Variants in NRG1 observed in about 807,000 individuals in gnomAD.
NRG1 encodes the protein pro-neuregulin-1, membrane-bound isoform.
In NRG1, 18 loss-of-function variants were observed where a neutral mutation model predicts 63.8. The ratio of observed to expected loss-of-function variants is 0.28; its 90% confidence interval spans 0.19 to 0.42. NRG1 has a LOEUF of 0.42. Ranked by LOEUF, NRG1 falls within the 10% of genes least tolerant of loss-of-function variation. The pLI is 1.00. For synonymous variants in NRG1, 302 were observed against 301.3 expected (o/e 1.00, Z -0.02); for missense variants, 762 against 814.7 (o/e 0.94, Z 0.79).
intron 1 of NRG1, among the ~76,000 whole-genome samples, chr8:32,467,567 C>G (rs930356705): frequency 5.9e-5 from 9 of 152,212 alleles, no homozygotes; most frequent in Non-Finnish European, 1.0e-4. Flanking sequence ...ATAGAAATCA[C>G]TTATTCATTC....
intron 1 of NRG1, among the ~76,000 whole-genome samples, chr8:31,702,976 A>G (rs1810776429): frequency 6.6e-6 from 1 of 151,462 alleles, no homozygotes; most frequent in African/African-American, 2.4e-5. Flanking sequence ...GGTCTTGCAG[A>G]AGGAATCCAT....
intron 1 of NRG1, among the ~76,000 whole-genome samples, chr8:31,665,369 G>A (rs1282181854): frequency 6.6e-6 from 1 of 152,122 alleles, no homozygotes; most frequent in Non-Finnish European, 1.5e-5. Flanking sequence ...GAACAAGAAA[G>A]CAAGTATTTT....
At chr8:32,286,822 C>T (rs989513803) in intron 1 of NRG1, among the ~76,000 whole-genome samples, 2 of 152,104 alleles carry the variant, frequency 1.3e-5, no homozygotes, top group Non-Finnish European at 2.9e-5. Context: ...CCTGGTGAAA[C>T]CCTGTCTGTA....
chr8:32,693,304 C>T (rs898136614), intron 5 of NRG1, among the ~76,000 whole-genome samples: 10 of 151,542 alleles, frequency 6.6e-5, no homozygotes, highest in African/African-American at 1.2e-4. Context: ...CTGCAACCTC[C>T]GCCTTCTGGG....
At chr8:32,617,917 A>G (rs1234109449) in intron 5 of NRG1, among the ~76,000 whole-genome samples, 1 of 152,168 alleles carries the variant, frequency 6.6e-6, no homozygotes, top group Non-Finnish European at 1.5e-5. Context: ...ATATGGTATA[A>G]AATTATCTTT....
chr8:32,723,263 T>C (rs1821109039), intron 5 of NRG1, among the ~76,000 whole-genome samples: 2 of 152,174 alleles, frequency 1.3e-5, no homozygotes, highest in Admixed American at 6.5e-5. Flanking sequence ...CCAACTTCAG[T>C]GTTCATTTCA....
intron 1 of NRG1, among the ~76,000 whole-genome samples, chr8:32,198,122 G>A (rs1345971104): frequency 5.3e-5 from 8 of 152,156 alleles, no homozygotes; most frequent in African/African-American, 1.9e-4. Context: ...CAGGACCATT[G>A]CTTGATCATC....
At chr8:32,546,493 C>T (rs1833085500), upstream of NRG1, among the ~76,000 whole-genome samples, 1 of 152,158 alleles carries the variant, frequency 6.6e-6, no homozygotes, top group Admixed American at 6.5e-5. Context: ...CTGAATTTTG[C>T]TATTTCCTGC....
At chr8:32,513,888 A>G (rs1829511157) in intron 1 of NRG1, among the ~76,000 whole-genome samples, 1 of 152,216 alleles carries the variant, frequency 6.6e-6, no homozygotes, top group Non-Finnish European at 1.5e-5. Flanking sequence ...CTGCATAGAA[A>G]AACGGACCAT....
intron 1 of NRG1, among the ~76,000 whole-genome samples, chr8:31,657,878 C>T (rs562269286): frequency 6.6e-6 from 1 of 152,168 alleles, no homozygotes; most frequent in Admixed American, 6.5e-5. Context: ...TGTGTAGAAC[C>T]ACGACAAGGC....
chr8:31,755,453 A>G (rs1434916735), intron 1 of NRG1, among the ~76,000 whole-genome samples: 1 of 152,090 alleles, frequency 6.6e-6, no homozygotes, highest in African/African-American at 2.4e-5. Flanking sequence ...ATCCCATTGT[A>G]CATTACTCAT....
rs55906650 is a variant in NRG1 at position 32,475,463 on chromosome 8, C to CAAAA, written c.38-120351_38-120348dup. The stretch of plus-strand genomic sequence containing the variant: ...CTGGTGACAGAGAGAGACTCTGTCT[C>CAAAA]AAAAAAAAAAAAAAAAAGTGCCTAC... On this transcript the variant is annotated intron_variant, in intron 1 of 10. Coordinates refer to the NRG1 transcript ENST00000519301. Among the ~76,000 whole-genome samples, 4 of 81,696 alleles carry CAAAA rather than the reference C, an allele frequency of 4.9e-5. 1 individual carries two copies. Among genetic ancestry groups the CAAAA allele is most frequent in the Non-Finnish European group, 2.3e-5 (1 of 43,666 alleles). 53.6% of individuals were successfully genotyped at this position (81,696 alleles called of 152,430 possible). A position where few individuals can be genotyped will look rare whatever the true frequency, so the allele number is the denominator to read the frequency against.
At chr8:32,464,925 G>A (rs529071710) in intron 1 of NRG1, among the ~76,000 whole-genome samples, 1 of 151,996 alleles carries the variant, frequency 6.6e-6, no homozygotes, top group Admixed American at 6.6e-5. Flanking sequence ...CTGTAATCCC[G>A]GCACTTTGGG....
Position 32,403,023 on chromosome 8 carries a change from G to C in NRG1, c.38-192805G>C, listed in dbSNP as rs559313145. ...AAAGAAATGAGCAAGCACTGGCCGGGCACAGTGGCTCACACCTGTAATCCC... is the reference window on the plus strand; with the variant it reads ...AAAGAAATGAGCAAGCACTGGCCGGCCACAGTGGCTCACACCTGTAATCCC... On this transcript the variant is annotated intron_variant, in intron 1 of 10. Transcript: ENST00000519301. 1.2e-4 allele frequency among the ~76,000 whole-genome samples: 18 copies of C among 151,342 alleles called. No individual in the cohort carries two copies. The East Asian group carries it at 3.5e-3, about 30-fold the overall frequency.
chr8:31,971,005 A>T (rs327375), intron 1 of NRG1, among the ~76,000 whole-genome samples: 1 of 151,584 alleles, frequency 6.6e-6, no homozygotes, highest in African/African-American at 2.4e-5. Context: ...GATGGCACCA[A>T]TGCACTCCAG....
chr8:31,953,298 G>A (rs1457413029), intron 1 of NRG1, among the ~76,000 whole-genome samples: 1 of 152,156 alleles, frequency 6.6e-6, no homozygotes, highest in South Asian at 2.1e-4. Flanking sequence ...GGATATGTTT[G>A]AAAGCAAATA....
chr8:32,344,381 T>TTTCTTTCTTTCTTTCTTTCTTTCTTC (rs754495317), intron 1 of NRG1, among the ~76,000 whole-genome samples: 1 of 90,176 alleles, frequency 1.1e-5, no homozygotes, highest in Non-Finnish European at 2.4e-5. Context: ...TTTCTTTCTT[T>TTTCTTTCTTTCTTTCTTTCTTTCTTC]CTCTTTCTTT....
chr8:31,917,958 C>T (rs1225034017), intron 1 of NRG1, among the ~76,000 whole-genome samples: 2 of 152,178 alleles, frequency 1.3e-5, no homozygotes, highest in African/African-American at 4.8e-5. Context: ...ATTTTATTTT[C>T]TCTGAAGCAG....
intron 6 of NRG1, among the ~76,000 whole-genome samples, chr8:32,740,704 C>T (rs371027436): frequency 1.1e-4 from 17 of 152,184 alleles, no homozygotes; most frequent in African/African-American, 2.2e-4. Flanking sequence ...TATTTTATCG[C>T]GCAGGCTATT....
Sources: gnomAD v4.1 joint callset for allele counts (sites outside exome capture counted in the v4.1 genomes callset) on GRCh38, gnomAD v4.1.1 for gene constraint, MANE v1.5 for transcripts, NCBI Gene and HGNC (gene_info 2026-07-23, HGNC 2026-07-21) for gene names.